SLC9A9: variants seen among roughly 807,000 people sequenced by gnomAD.
SLC9A9 encodes the protein sodium/hydrogen exchanger 9.
Under a neutral mutation model 77.8 loss-of-function variants are expected in SLC9A9, and 62 were observed. The observed-to-expected ratio is 0.80, with a 90% confidence interval of 0.65 to 0.98. The LOEUF (loss-of-function observed/expected upper bound fraction) is 0.98, where lower values mean the gene tolerates loss of function less well. SLC9A9 is among the 50% of genes least tolerant of loss of function. The probability of loss-of-function intolerance (pLI) is 0.00; values close to 1 mark genes in which losing one functional copy is unlikely to be tolerated. For missense variants in SLC9A9, 775 were observed against 774.9 expected (o/e 1.00, Z 0.00); for synonymous variants, 320 against 283.5 (o/e 1.13, Z -1.29).
intron 6 of SLC9A9, among the ~76,000 whole-genome samples, chr3:143,623,004 A>G (rs945378374): frequency 2.6e-5 from 4 of 152,202 alleles, no homozygotes; most frequent in Non-Finnish European, 1.5e-5. Flanking sequence ...ACAAAGACCA[A>G]AAGAGACAAA....
intron 6 of SLC9A9, among the ~76,000 whole-genome samples, chr3:143,627,965 G>A (rs2108723872): frequency 6.6e-6 from 1 of 152,372 alleles, no homozygotes; most frequent in East Asian, 1.9e-4. Flanking sequence ...TAAACTGTGA[G>A]CTGCCAGGAG....
At chr3:143,372,972 T>C (rs768421008) in intron 13 of SLC9A9, among the ~76,000 whole-genome samples, 11 of 152,188 alleles carry the variant, frequency 7.2e-5, no homozygotes, top group Non-Finnish European at 1.3e-4. Context: ...TTGGCCTGAA[T>C]GTGATGAAAA....
chr3:143,267,181 C>G lies in SLC9A9; in HGVS notation c.1711-252G>C, dbSNP rs140802644. Among the ~76,000 whole-genome samples, 3 of 152,090 alleles carry G rather than the reference C, an allele frequency of 2.0e-5. No individual in the cohort carries two copies. The East Asian group carries it at 5.8e-4, about 29-fold the overall frequency. ...GAGGTGTTAAAGAGCATGGTACTTTCATTTCCTCTTTGGGTTAAGGATGTT... is the reference window on the plus strand; with the variant it reads ...GAGGTGTTAAAGAGCATGGTACTTTGATTTCCTCTTTGGGTTAAGGATGTT... On this transcript the variant is annotated intron_variant, in intron 15 of 15. Transcript: ENST00000316549.
chr3:143,576,163 A>C (rs1490823703), intron 7 of SLC9A9, among the ~76,000 whole-genome samples: 1 of 152,340 alleles, frequency 6.6e-6, no homozygotes, highest in East Asian at 1.9e-4. Flanking sequence ...CCTGGGTTTG[A>C]ATCCTGGCCC....
rs1451570955 is a variant in SLC9A9, at chr3:143,495,385, A to G, written c.1153T>C (p.Phe385Leu). Residue 385 changes from phenylalanine (F) to leucine (L), a missense_variant, in exon 10 of 16, where the codon TTC becomes CTC. Physicochemically the swap from Phe to Leu is conservative, Grantham distance 22. Transcript: ENST00000316549. ...VIFCYMGLAL[F>L]TFQNHIFNAL... is the part of the protein sequence containing the mutation. The stretch of plus-strand genomic sequence containing the variant: ...TTAAAGATATGATTCTGGAACGTGA[A>G]CAGTGCCAGGCCCATGTAACAGAAG... 1 of 1,614,078 alleles carries G rather than the reference A, an allele frequency of 6.2e-7. No homozygotes were observed. The highest frequency in any genetic ancestry group is 8.5e-7 in the Non-Finnish European group (1 of 1,180,012).
chr3:143,503,658 G>A, intron 9 of SLC9A9: 1 of 442,658 alleles, frequency 2.3e-6, no homozygotes, highest in Non-Finnish European at 4.5e-6. Flanking sequence ...ATGCAGGGAT[G>A]ATGTTCTGGA....
chr3:143,647,910 C>T (rs764132880), intron 6 of SLC9A9, among the ~76,000 whole-genome samples: 1 of 152,078 alleles, frequency 6.6e-6, no homozygotes, highest in Non-Finnish European at 1.5e-5. Flanking sequence ...GAGGAAATCA[C>T]GTGTAAAAAT....
At chr3:143,276,978 T>C (rs1938070101) in intron 14 of SLC9A9, among the ~76,000 whole-genome samples, 1 of 152,164 alleles carries the variant, frequency 6.6e-6, no homozygotes, top group Admixed American at 6.5e-5. Context: ...CTTAGTATCT[T>C]AGTGGTATTG....
chr3:143,495,491 G>A (rs918974264), intron 9 of SLC9A9, 43 bp from the exon 10 acceptor site: 1 of 1,419,400 alleles, frequency 7.0e-7, no homozygotes, highest in Admixed American at 1.7e-5. Flanking sequence ...TTATAACTCA[G>A]GTTTGAGTGC....
At chr3:143,779,562 G>A (rs1433951131) in intron 4 of SLC9A9, among the ~76,000 whole-genome samples, 1 of 152,006 alleles carries the variant, frequency 6.6e-6, no homozygotes, top group Non-Finnish European at 1.5e-5. Context: ...GTACAGTCGG[G>A]GTTTCACCAT....
chr3:143,741,830 T>G (rs763769285), intron 4 of SLC9A9, among the ~76,000 whole-genome samples: 1 of 152,166 alleles, frequency 6.6e-6, no homozygotes, highest in Non-Finnish European at 1.5e-5. Flanking sequence ...CTTAACTGAC[T>G]CCATCTTTCT....
At chr3:143,715,967 T>G (rs1403978349) in intron 4 of SLC9A9, among the ~76,000 whole-genome samples, 1 of 152,262 alleles carries the variant, frequency 6.6e-6, no homozygotes, top group Non-Finnish European at 1.5e-5. Context: ...AATTGTTTTC[T>G]GTCTTACTAC....
rs560726416 is a variant in SLC9A9, at chr3:143,311,529, C to G, written c.1605-42549G>C. Among the ~76,000 whole-genome samples the G allele has an allele frequency of 5.9e-5, 9 of 152,298 alleles. No homozygotes were observed. The South Asian group carries it at 1.9e-3, about 32-fold the overall frequency. ...GGTAAAAGCAGCTTTCCTTCCTGGG[C>G]AGGTTGGGTGCTTCTACTCTAAGTA... On this transcript the variant is annotated intron_variant, in intron 14 of 15. Coordinates refer to ENST00000316549, the MANE Select transcript of SLC9A9 (RefSeq NM_173653.4).
At chr3:143,424,397 G>A (rs1480482805) in intron 12 of SLC9A9, among the ~76,000 whole-genome samples, 1 of 151,934 alleles carries the variant, frequency 6.6e-6, no homozygotes, top group Non-Finnish European at 1.5e-5. Flanking sequence ...CTCCTGAGTA[G>A]CTGGGGAGTA....
chr3:143,819,752 A>G (rs2108879765), intron 2 of SLC9A9, among the ~76,000 whole-genome samples: 1 of 152,382 alleles, frequency 6.6e-6, no homozygotes, highest in East Asian at 1.9e-4. Context: ...TCATAATAGT[A>G]AGTAATTAAA....
intron 5 of SLC9A9, chr3:143,655,465 A>G: frequency 2.0e-6 from 2 of 985,274 alleles, no homozygotes; most frequent in Non-Finnish European, 1.2e-6. Flanking sequence ...ATTTTATCAG[A>G]CAATTTGGTC....
intron 4 of SLC9A9, among the ~76,000 whole-genome samples, chr3:143,777,921 G>A (rs931265888): frequency 2.7e-5 from 4 of 149,526 alleles, no homozygotes; most frequent in African/African-American, 9.9e-5. Flanking sequence ...CACCATGTTG[G>A]TCAGGCTGGT....
chr3:143,303,671 T>C (rs981507044), intron 14 of SLC9A9, among the ~76,000 whole-genome samples: 1 of 152,226 alleles, frequency 6.6e-6, no homozygotes, highest in Non-Finnish European at 1.5e-5. Context: ...CAGAGAGGTA[T>C]TTATAAGTGA....
At chr3:143,737,475 TAAAAAAAAAACC>T (rs910030284) in intron 4 of SLC9A9, among the ~76,000 whole-genome samples, 4 of 140,076 alleles carry the variant, frequency 2.9e-5, no homozygotes, top group Non-Finnish European at 3.1e-5. Context: ...TAATGAGAGT[TAAAAAAAAAACC>T]AAAAAAAAAA....
Sources: allele counts gnomAD v4.1 joint callset (sites outside exome capture counted in the v4.1 genomes callset), GRCh38; gene constraint gnomAD v4.1.1; transcripts MANE v1.5; gene names NCBI Gene and HGNC (gene_info 2026-07-23, HGNC 2026-07-21).